Variants in PTPRK observed in about 807,000 individuals in gnomAD.
PTPRK encodes the protein protein tyrosine phosphatase receptor type K, also known as receptor-type tyrosine-protein phosphatase kappa.
Under a neutral mutation model 178.0 loss-of-function variants are expected in PTPRK, and 75 were observed. The ratio of observed to expected loss-of-function variants is 0.42; its 90% CI spans 0.35 to 0.51. PTPRK has a LOEUF of 0.51. PTPRK is among the 20% of genes least tolerant of loss of function. The probability of loss-of-function intolerance (pLI) is 0.02; values close to 1 mark genes in which losing one functional copy is unlikely to be tolerated. For missense variants in PTPRK, 1,441 were observed against 1,797.8 expected, an observed-to-expected ratio of 0.80 and a Z score of 3.59; for synonymous variants, 637 against 620.6, an observed-to-expected ratio of 1.03 and a Z score of -0.39.
At chr6:128,478,869 T>C (rs1221280761) in intron 1 of PTPRK, among the ~76,000 whole-genome samples, 2 of 152,164 alleles carry the variant, frequency 1.3e-5, no homozygotes, top group African/African-American at 2.4e-5. Flanking sequence ...AAATTCCTTA[T>C]AGTACTTCCT....
At chr6:128,029,305 C>T (rs145347748) in intron 13 of PTPRK, among the ~76,000 whole-genome samples, 8 of 152,196 alleles carry the variant, frequency 5.3e-5, no homozygotes, top group South Asian at 2.1e-4. Flanking sequence ...GATGCCAGCA[C>T]TACGCTTCCT....
Position 127,995,549 on chromosome 6 carries a change from A to T in PTPRK, c.2768-11T>A. On this transcript the variant is annotated splice_polypyrimidine_tract_variant and intron_variant, in intron 17 of 29. Transcript: ENST00000368226. ...CTCTGGAGTGATCATCTAAAATTTT[A>T]AAATAATAAATATAAGCTGTTAAAT... is the stretch of plus-strand genomic sequence containing the variant. 6.6e-7 allele frequency: 1 copy of T among 1,521,324 alleles called. No individual in the cohort carries two copies. The highest frequency in any genetic ancestry group is 8.9e-7 in the Non-Finnish European group (1 of 1,118,242). The allele number at this position is 1,521,324 out of a possible 1,614,324, so 94.2% of individuals were successfully genotyped here.
intron 1 of PTPRK, among the ~76,000 whole-genome samples, chr6:128,474,436 T>C (rs1851118791): frequency 6.6e-6 from 1 of 151,864 alleles, no homozygotes; most frequent in African/African-American, 2.4e-5. Flanking sequence ...GAAAAACCAA[T>C]GACCTCAGAA....
intron 1 of PTPRK, among the ~76,000 whole-genome samples, chr6:128,509,631 G>A (rs1329223882): frequency 6.6e-6 from 1 of 151,988 alleles, no homozygotes; most frequent in East Asian, 1.9e-4. Flanking sequence ...CCTTAAAAGT[G>A]TCTGGTTCAG....
chr6:128,199,425 G>A (rs1014599941), intron 6 of PTPRK, among the ~76,000 whole-genome samples: 1 of 152,132 alleles, frequency 6.6e-6, no homozygotes. Context: ...CAAGAACAGT[G>A]GTTACTCTGG....
At chr6:128,239,993 C>T in intron 5 of PTPRK, 42 bp downstream of exon 5, 3 of 1,469,828 alleles carry the variant, frequency 2.0e-6, no homozygotes, top group Middle Eastern at 1.7e-4. Flanking sequence ...GTTTTTAAAA[C>T]ATAAAGTATA....
chr6:128,164,705 A>T (rs564479056), intron 7 of PTPRK, among the ~76,000 whole-genome samples: 2 of 150,270 alleles, frequency 1.3e-5, no homozygotes, highest in Admixed American at 6.6e-5. Flanking sequence ...AATGCACAAA[A>T]CTAAATTACA....
intron 1 of PTPRK, among the ~76,000 whole-genome samples, chr6:128,410,831 C>G (rs1842222852): frequency 6.6e-6 from 1 of 152,190 alleles, no homozygotes; most frequent in Non-Finnish European, 1.5e-5. Flanking sequence ...CCTGCCCAAT[C>G]ACTAACTTGG....
At chr6:128,274,491 C>T (rs879842373) in intron 3 of PTPRK, among the ~76,000 whole-genome samples, 3 of 151,830 alleles carry the variant, frequency 2.0e-5, no homozygotes, top group Non-Finnish European at 2.9e-5. Context: ...ATTTACTATG[C>T]GTCTCATAAT....
intron 1 of PTPRK, among the ~76,000 whole-genome samples, chr6:128,448,340 C>T (rs1847303232): frequency 6.6e-6 from 1 of 152,092 alleles, no homozygotes; most frequent in Admixed American, 6.5e-5. Context: ...GTATATAATT[C>T]CAACTGTTTA....
intron 12 of PTPRK, among the ~76,000 whole-genome samples, chr6:128,065,426 T>A (rs116784315): frequency 0.014 from 2,170 of 152,248 alleles, 58 homozygotes; most frequent in African/African-American, 0.049. Context: ...AAAATATGAT[T>A]ATTTTTAACG....
intron 7 of PTPRK, among the ~76,000 whole-genome samples, chr6:128,112,848 G>GT (rs1790890566): frequency 6.6e-6 from 1 of 152,060 alleles, no homozygotes; most frequent in Admixed American, 6.6e-5. Context: ...GGTTAACTGG[G>GT]TAAATGCAGT....
chr6:128,289,038 C>T (rs1822961224), intron 3 of PTPRK, among the ~76,000 whole-genome samples: 1 of 152,040 alleles, frequency 6.6e-6, no homozygotes, highest in Non-Finnish European at 1.5e-5. Flanking sequence ...ACAGCGTGCA[C>T]CAGTGCTTCT....
At chr6:128,002,979 C>A (rs1398297538) in intron 15 of PTPRK, among the ~76,000 whole-genome samples, 2 of 151,842 alleles carry the variant, frequency 1.3e-5, no homozygotes, top group Non-Finnish European at 2.9e-5. Flanking sequence ...ATCTAACAAC[C>A]AAGAATTGAA....
intron 23 of PTPRK, 62 bp downstream of exon 23, chr6:127,983,180 A>G: frequency 7.0e-7 from 1 of 1,431,968 alleles, no homozygotes; most frequent in South Asian, 1.4e-5. Context: ...AGAGACATCT[A>G]CTCTTTGTTT....
rs530895979 is a variant in PTPRK, at chr6:127,978,951, T to C, written c.3712-1897A>G. Among the ~76,000 whole-genome samples, 9 of 152,314 alleles carry C rather than the reference T, an allele frequency of 5.9e-5. No homozygotes were observed. The South Asian group carries it at 1.9e-3, about 32-fold the overall frequency. On this transcript the variant is annotated intron_variant, in intron 25 of 29. Coordinates refer to ENST00000368226, the MANE Select transcript of PTPRK (RefSeq NM_002844.4). ...AGCTTTACTTCTCCAACGGTTCATT[T>C]GCACTACTAAATCCCCAGAACAGCT...
At chr6:128,432,677 AC>A in intron 1 of PTPRK, among the ~76,000 whole-genome samples, 1 of 152,226 alleles carries the variant, frequency 6.6e-6, no homozygotes, top group Admixed American at 6.5e-5. Flanking sequence ...TCTTTTGAAC[AC>A]AGGTATGAAG....
chr6:128,037,674 C>T (rs117765380), intron 13 of PTPRK, among the ~76,000 whole-genome samples: 3,699 of 152,186 alleles, frequency 0.024, 72 homozygotes, highest in Non-Finnish European at 0.042. Context: ...GGAGTATCTG[C>T]AGAAAACCTC....
intron 2 of PTPRK, among the ~76,000 whole-genome samples, chr6:128,366,312 A>C (rs1004108756): frequency 2.0e-5 from 3 of 152,178 alleles, no homozygotes; most frequent in African/African-American, 2.4e-5. Context: ...CAACTAATAC[A>C]ACAGATGTAA....
Sources: gnomAD v4.1 joint callset for allele counts (sites outside exome capture counted in the v4.1 genomes callset) on GRCh38, gnomAD v4.1.1 for gene constraint, MANE v1.5 for transcripts, NCBI Gene and HGNC (gene_info 2026-07-23, HGNC 2026-07-21) for gene names.